The following LCLAT1 variants were observed in gnomAD, a reference collection of about 807,000 sequenced individuals.
The protein encoded by LCLAT1 is lysocardiolipin acyltransferase 1.
In LCLAT1, 11 loss-of-function variants were observed where a neutral mutation model predicts 30.7. The observed-to-expected ratio is 0.36, with a 90% CI of 0.23 to 0.59. The LOEUF (loss-of-function observed/expected upper bound fraction) is 0.59. LCLAT1 is among the 20% of genes least tolerant of loss of function. The pLI, the probability that LCLAT1 is intolerant of heterozygous loss-of-function variation, is 0.77. For synonymous variants in LCLAT1, 155 were observed against 151.3 expected, an observed-to-expected ratio of 1.02 and a Z score of -0.18; for missense variants, 402 against 458.6, an observed-to-expected ratio of 0.88 and a Z score of 1.13.
chr2:30,577,710 C>G (rs1185650766), intron 5 of LCLAT1, among the ~76,000 whole-genome samples: 2 of 152,068 alleles, frequency 1.3e-5, no homozygotes, highest in African/African-American at 4.8e-5. Context: ...TGTGTTGCAT[C>G]TTTTCATTTT....
At chr2:30,498,032 G>A (rs1375766229) in intron 1 of LCLAT1, among the ~76,000 whole-genome samples, 3 of 152,176 alleles carry the variant, frequency 2.0e-5, no homozygotes, top group Non-Finnish European at 4.4e-5. Flanking sequence ...AGATGAAGCA[G>A]TCTTGTTTGA....
At chr2:30,578,741 C>T (rs537425162) in intron 5 of LCLAT1, among the ~76,000 whole-genome samples, 2 of 152,228 alleles carry the variant, frequency 1.3e-5, no homozygotes, top group South Asian at 4.1e-4. Context: ...AGAAGAGGAA[C>T]TTCATACTGT....
chr2:30,479,444 A>G (rs1294752050), intron 1 of LCLAT1, among the ~76,000 whole-genome samples: 1 of 152,068 alleles, frequency 6.6e-6, no homozygotes, highest in Non-Finnish European at 1.5e-5. Flanking sequence ...GTGGGATCTC[A>G]GCATGTTACC....
intron 4 of LCLAT1, among the ~76,000 whole-genome samples, chr2:30,567,680 A>C (rs139935190): frequency 6.6e-6 from 1 of 152,314 alleles, no homozygotes; most frequent in East Asian, 1.9e-4. Flanking sequence ...GTGCCATTCA[A>C]ACATCTCCTA....
chr2:30,594,673 GTC>G (rs1428339711), intron 5 of LCLAT1, among the ~76,000 whole-genome samples: 1 of 152,154 alleles, frequency 6.6e-6, no homozygotes, highest in African/African-American at 2.4e-5. Context: ...ATGTGGGAGG[GTC>G]TCTTATATCT....
At chr2:30,592,154 G>A (rs953913668) in intron 5 of LCLAT1, among the ~76,000 whole-genome samples, 2 of 152,084 alleles carry the variant, frequency 1.3e-5, no homozygotes, top group Admixed American at 1.3e-4. Flanking sequence ...ATTCCAACAT[G>A]CACCTTTGAA....
At chr2:30,506,787 A>G (rs749515548) in intron 1 of LCLAT1, among the ~76,000 whole-genome samples, 34 of 152,290 alleles carry the variant, frequency 2.2e-4, no homozygotes, top group Non-Finnish European at 4.1e-4. Flanking sequence ...AACAGCAGTT[A>G]GAAAATGCAG....
chr2:30,611,107 A>T (rs1667716360), intron 5 of LCLAT1, among the ~76,000 whole-genome samples: 1 of 144,220 alleles, frequency 6.9e-6, no homozygotes. Flanking sequence ...TCCTATCAGT[A>T]GTCAACAGAC....
At chr2:30,479,271 C>G (rs1333964432) in intron 1 of LCLAT1, among the ~76,000 whole-genome samples, 1 of 151,578 alleles carries the variant, frequency 6.6e-6, no homozygotes, top group Non-Finnish European at 1.5e-5. Context: ...ATTCAGTCAT[C>G]CAGGCTGGAC....
chr2:30,502,336 A>G (rs1684442434), intron 1 of LCLAT1, among the ~76,000 whole-genome samples: 1 of 152,150 alleles, frequency 6.6e-6, no homozygotes, highest in Non-Finnish European at 1.5e-5. Context: ...TGTCTTGATA[A>G]TCTCTCAGCT....
At chr2:30,492,891 CA>C (rs1286430046) in intron 1 of LCLAT1, among the ~76,000 whole-genome samples, 1 of 152,156 alleles carries the variant, frequency 6.6e-6, no homozygotes, top group African/African-American at 2.4e-5. Context: ...TTCATTTATA[CA>C]TTTCCATGTA....
intron 5 of LCLAT1, among the ~76,000 whole-genome samples, chr2:30,580,448 A>G (rs1666166183): frequency 6.6e-6 from 1 of 152,126 alleles, no homozygotes; most frequent in Non-Finnish European, 1.5e-5. Context: ...ATGACCTTAG[A>G]GAGGGAATAG....
chr2:30,640,035 G>T, intron 5 of LCLAT1, 82 bp from the exon 6 acceptor site: 6 of 1,148,608 alleles, frequency 5.2e-6, no homozygotes, highest in Admixed American at 2.2e-5. Flanking sequence ...TTCGGTTTCT[G>T]GTGCTGCCCT....
chr2:30,490,303 A>G (rs1022075931), intron 1 of LCLAT1, among the ~76,000 whole-genome samples: 21 of 151,598 alleles, frequency 1.4e-4, no homozygotes, highest in African/African-American at 4.6e-4. Context: ...CCCAGGTTCA[A>G]GTGATTGTCC....
At chr2:30,583,401 T>A (rs753341857) in intron 5 of LCLAT1, among the ~76,000 whole-genome samples, 47 of 152,248 alleles carry the variant, frequency 3.1e-4, no homozygotes, top group Non-Finnish European at 5.7e-4. Context: ...ATAGCAGTGT[T>A]GTCCTCTGGC....
At chr2:30,638,433 T>C (rs561452949) in intron 5 of LCLAT1, among the ~76,000 whole-genome samples, 2 of 152,340 alleles carry the variant, frequency 1.3e-5, no homozygotes, top group East Asian at 1.9e-4. Flanking sequence ...TTCTCATCGT[T>C]TCCCACCCTC....
intron 1 of LCLAT1, among the ~76,000 whole-genome samples, chr2:30,510,609 A>G (rs1194122912): frequency 6.6e-6 from 1 of 152,056 alleles, no homozygotes; most frequent in Middle Eastern, 3.2e-3. Flanking sequence ...TTAATGTGGA[A>G]TGTCATTTTC....
chr2:30,621,336 T>G (rs1291483421), intron 5 of LCLAT1, among the ~76,000 whole-genome samples: 1 of 152,160 alleles, frequency 6.6e-6, no homozygotes, highest in African/African-American at 2.4e-5. Flanking sequence ...ACGTATTTAT[T>G]AGAAGGTGGG....
At chr2:30,479,672 T>C (rs1683231925) in intron 1 of LCLAT1, among the ~76,000 whole-genome samples, 1 of 152,194 alleles carries the variant, frequency 6.6e-6, no homozygotes, top group Admixed American at 6.5e-5. Flanking sequence ...GAAGGAGGCT[T>C]CTGGGTTGCA....
Sources: gnomAD v4.1 joint callset for allele counts (sites outside exome capture counted in the v4.1 genomes callset) on GRCh38, gnomAD v4.1.1 for gene constraint, MANE v1.5 for transcripts, NCBI Gene and HGNC (gene_info 2026-07-23, HGNC 2026-07-21) for gene names.